Variants in SEM1 observed in about 807,000 individuals in gnomAD.
SEM1 encodes 26S proteasome complex subunit SEM1.
In SEM1, 3 loss-of-function variants were observed where a neutral mutation model predicts 12.7. That is an observed-to-expected ratio of 0.24 (90% CI 0.11 to 0.61). SEM1 has a LOEUF of 0.61. Ranked by LOEUF, SEM1 falls within the 20% of genes least tolerant of loss-of-function variation. SEM1 has a pLI of 0.88. For synonymous variants in SEM1, 30 were observed against 27.8 expected (o/e 1.08, Z -0.25); for missense variants, 59 against 81.3 (o/e 0.73, Z 1.06).
rs1808569963 is a variant in SEM1 at position 96,640,900 on chromosome 7, A to C, written c.171-18257T>G. 6.6e-6 allele frequency among the ~76,000 whole-genome samples: 1 copy of C among 151,994 alleles called. No homozygotes were observed. The highest frequency in any genetic ancestry group is 2.4e-5 in the African/African-American group (1 of 41,406). ...CTGTTAACCTAACACTGCTCTAAAA[A>C]ATATGGTTTCTTTACAAAAAACTTA... On this transcript the variant is annotated intron_variant, in intron 2 of 2. Transcript: ENST00000417009. This position sits in a 1 kb window ranked among gnomAD's most constrained non-coding sequence, Gnocchi z 4.0.
intron 2 of SEM1, among the ~76,000 whole-genome samples, chr7:96,515,361 A>G (rs1202664149): frequency 6.6e-6 from 1 of 152,210 alleles, no homozygotes; most frequent in Non-Finnish European, 1.5e-5. Flanking sequence ...ATGATCATTA[A>G]AAATTCAGGA....
intron 2 of SEM1, among the ~76,000 whole-genome samples, chr7:96,571,692 T>G (rs1806035439): frequency 1.3e-5 from 2 of 152,088 alleles, no homozygotes; most frequent in Non-Finnish European, 1.5e-5. Flanking sequence ...TGGATTCGGT[T>G]TGCCAATATT....
upstream of SEM1, among the ~76,000 whole-genome samples, chr7:96,497,851 C>T (rs1011248931): frequency 2.0e-5 from 3 of 151,952 alleles, no homozygotes; most frequent in Non-Finnish European, 4.4e-5. Context: ...TAACAGATGA[C>T]GGAACTAACA....
chr7:96,617,159 T>C (rs1304972772), intron 2 of SEM1, among the ~76,000 whole-genome samples: 1 of 152,170 alleles, frequency 6.6e-6, no homozygotes, highest in Non-Finnish European at 1.5e-5. Flanking sequence ...TTAATGATGG[T>C]GATTATTCCA....
downstream of SEM1, among the ~76,000 whole-genome samples, chr7:96,619,111 T>G (rs996859916): frequency 6.6e-6 from 1 of 152,246 alleles, no homozygotes; most frequent in Admixed American, 6.5e-5. Context: ...AATTCTTGAT[T>G]GGAAACTTGC....
intron 2 of SEM1, among the ~76,000 whole-genome samples, chr7:96,691,791 A>G (rs1789939646): frequency 6.6e-6 from 1 of 152,248 alleles, no homozygotes. Context: ...TAGCTGTGCT[A>G]GCCACATTTC....
intron 2 of SEM1, among the ~76,000 whole-genome samples, chr7:96,549,039 AT>A (rs1336935197): frequency 6.6e-6 from 1 of 152,032 alleles, no homozygotes; most frequent in Non-Finnish European, 1.5e-5. Flanking sequence ...CAGCTCTGAA[AT>A]TTTTTCCCCT....
intron 2 of SEM1, among the ~76,000 whole-genome samples, chr7:96,606,147 A>C (rs1242649614): frequency 6.6e-6 from 1 of 152,228 alleles, no homozygotes; most frequent in African/African-American, 2.4e-5. Flanking sequence ...TGCCTAATTT[A>C]CAAATTAAAC....
intron 2 of SEM1, among the ~76,000 whole-genome samples, chr7:96,530,175 A>T (rs1262564235): frequency 1.3e-5 from 2 of 152,112 alleles, no homozygotes; most frequent in African/African-American, 4.8e-5. Context: ...CAAGATTGCT[A>T]GGAAAGGCCA....
At chr7:96,544,195 A>G (rs909248800) in intron 2 of SEM1, among the ~76,000 whole-genome samples, 9 of 152,036 alleles carry the variant, frequency 5.9e-5, no homozygotes, top group Non-Finnish European at 1.2e-4. Context: ...CCTTTATTTC[A>G]TAATTTCTAG....
intron 2 of SEM1, among the ~76,000 whole-genome samples, chr7:96,571,098 A>C (rs1381327617): frequency 2.0e-5 from 3 of 151,456 alleles, no homozygotes; most frequent in Non-Finnish European, 2.9e-5. Flanking sequence ...TAGATTTTGG[A>C]TATTAGCCCT....
exon 4 of SEM1, chr7:96,483,520 C>T (rs1161872754): frequency 3.7e-6 from 1 of 267,512 alleles, no homozygotes; most frequent in African/African-American, 2.3e-5. Context: ...CATTTTCTCA[C>T]TCACCCTACA....
At chr7:96,583,099 G>A (rs941009959) in intron 2 of SEM1, among the ~76,000 whole-genome samples, 1 of 151,722 alleles carries the variant, frequency 6.6e-6, no homozygotes, top group African/African-American at 2.4e-5. Context: ...GCTTTCTCTT[G>A]TGGGCATTTA....
downstream of SEM1, among the ~76,000 whole-genome samples, chr7:96,686,087 C>T (rs965635270): frequency 6.6e-6 from 1 of 152,082 alleles, no homozygotes; most frequent in Non-Finnish European, 1.5e-5. Flanking sequence ...TCCTAACTTA[C>T]TCTGAGACTG....
At position 96,583,651 on chromosome 7, in the gene SEM1, T is replaced by G. The variant is rs1287805277; in HGVS notation, c.171-76953A>C. On this transcript the variant is annotated intron_variant and NMD_transcript_variant, in intron 2 of 3. Coordinates refer to the SEM1 transcript ENST00000466986. ...TCAGGACTTGCTTTATGAATCTGGGTGCTCCTGTATTGGGTGCATATATAT... is the reference window on the plus strand; with the variant it reads ...TCAGGACTTGCTTTATGAATCTGGGGGCTCCTGTATTGGGTGCATATATAT... 1.3e-5 allele frequency among the ~76,000 whole-genome samples: 2 copies of G among 150,436 alleles called. 1 individual carries two copies. The highest frequency in any genetic ancestry group is 2.9e-5 in the Non-Finnish European group (2 of 67,924).
At chr7:96,669,597 G>A (rs1789260246), downstream of SEM1, among the ~76,000 whole-genome samples, 1 of 152,138 alleles carries the variant, frequency 6.6e-6, no homozygotes, top group Admixed American at 6.6e-5. Context: ...ATAACATAAA[G>A]TTGGCCCACT....
At chr7:96,688,729 T>A (rs1459584126), downstream of SEM1, 2 of 466,424 alleles carry the variant, frequency 4.3e-6, no homozygotes, top group Non-Finnish European at 7.5e-6. Context: ...GAAAATTGAT[T>A]AGAAGCAAAA....
downstream of SEM1, among the ~76,000 whole-genome samples, chr7:96,685,021 GTGC>G (rs1449663619): frequency 5.3e-5 from 8 of 152,116 alleles, no homozygotes; most frequent in Non-Finnish European, 1.2e-4. Context: ...AATGAGGGTG[GTGC>G]TAATTGTCAG....
intron 2 of SEM1, among the ~76,000 whole-genome samples, chr7:96,582,494 G>A (rs1308002132): frequency 6.6e-6 from 1 of 151,562 alleles, no homozygotes; most frequent in Non-Finnish European, 1.5e-5. Flanking sequence ...CATAAAATGA[G>A]TTAGGGAGGA....
Sources: allele counts gnomAD v4.1 joint callset (sites outside exome capture counted in the v4.1 genomes callset), GRCh38; gene constraint gnomAD v4.1.1; non-coding constraint Gnocchi (gnomAD v3.1); transcripts MANE v1.5; gene names NCBI Gene and HGNC (gene_info 2026-07-23, HGNC 2026-07-21).